The following HERC1 variants were observed in gnomAD, a reference collection of about 807,000 sequenced individuals.
The protein encoded by HERC1 is probable E3 ubiquitin-protein ligase HERC1.
HERC1 carries 160 observed loss-of-function variants against 554.3 expected under a neutral mutation model. The ratio of observed to expected loss-of-function variants is 0.29; its 90% CI spans 0.25 to 0.33. The LOEUF (loss-of-function observed/expected upper bound fraction) is 0.33. HERC1 is among the 10% of genes least tolerant of loss of function. HERC1 has a pLI of 1.00. For synonymous variants in HERC1, 2,175 were observed against 2,131.7 expected (o/e 1.02, Z -0.56); for missense variants, 4,919 against 5,918.5 (o/e 0.83, Z 5.54).
At chr15:63,747,601 T>G in intron 11 of HERC1, 123 bp downstream of exon 11, 1 of 522,780 alleles carries the variant, frequency 1.9e-6, no homozygotes, top group Non-Finnish European at 3.2e-6. Context: ...AAAAGTTTCA[T>G]ATAATTTGGG....
intron 12 of HERC1, among the ~76,000 whole-genome samples, chr15:63,739,880 C>G (rs1348818583): frequency 6.6e-6 from 1 of 151,902 alleles, no homozygotes; most frequent in African/African-American, 2.4e-5. Flanking sequence ...ACACAATAAG[C>G]CCTTTGTGTC....
chr15:63,782,139 G>A (rs903520136), intron 1 of HERC1, among the ~76,000 whole-genome samples: 1 of 152,146 alleles, frequency 6.6e-6, no homozygotes, highest in African/African-American at 2.4e-5. Context: ...ATCTACCTAA[G>A]GTAACTGATG....
chr15:63,658,221 C>T (rs1490879551), intron 48 of HERC1, among the ~76,000 whole-genome samples: 3 of 152,194 alleles, frequency 2.0e-5, no homozygotes, highest in African/African-American at 7.2e-5. Flanking sequence ...CTTAGCTACA[C>T]AGACGGTCAA....
In HERC1 at chr15:63,698,979, A is replaced by T. The variant is rs766561525; in HGVS notation, c.4654T>A (p.Leu1552Met). The change falls in exon 26 of 78, where the codon TTG becomes ATG. Residue 1552 changes from leucine (L) to methionine (M), a missense_variant. By Grantham distance (15) the Leu-to-Met change is conservative. Transcript: ENST00000443617. ...HRKRGPMHSQ[L>M]ESLSDSWARL... Reference sequence around the variant, plus strand: ...GCCCAAGAGTCACTCAGGGATTCCAATTGACTGTGCATAGGACCTATATAC... The same window carrying T: ...GCCCAAGAGTCACTCAGGGATTCCATTTGACTGTGCATAGGACCTATATAC... 5 of 1,613,082 alleles carry T rather than the reference A, an allele frequency of 3.1e-6. No individual in the cohort carries two copies. Among genetic ancestry groups the T allele is most frequent in the Non-Finnish European group, 4.2e-6 (5 of 1,179,090 alleles).
chr15:63,638,838 C>G, intron 61 of HERC1, 62 bp from the exon 62 acceptor site: 1 of 1,123,760 alleles, frequency 8.9e-7, no homozygotes, highest in African/African-American at 1.5e-5. Flanking sequence ...TGCTCTTAAC[C>G]ACAAAGTCCT....
Position 63,645,475 on chromosome 15 carries a change from C to T in HERC1, c.11078+8G>A. 5.6e-6 allele frequency: 9 copies of T among 1,597,790 alleles called. No individual in the cohort carries two copies. Among genetic ancestry groups the T allele is most frequent in the South Asian group, 1.1e-5 (1 of 88,624 alleles). On this transcript the variant is annotated splice_region_variant and intron_variant, in intron 56 of 77. Transcript: ENST00000443617. ...ACTAAGACGTATAGATGCAAATTGACAACATACGTAGCCATCAGTAACTGC... is the reference window on the plus strand; with the variant it reads ...ACTAAGACGTATAGATGCAAATTGATAACATACGTAGCCATCAGTAACTGC...
Position 63,659,763 on chromosome 15 carries a change from T to C in HERC1, c.9397A>G (p.Ser3133Gly). The C allele has an allele frequency of 6.2e-7, 1 of 1,613,876 alleles. No individual in the cohort carries two copies. The change falls in exon 47 of 78, where the codon AGT becomes GGT. Residue 3133 changes from serine (S) to glycine (G), a missense_variant. This residue lies in a region of HERC1 where 1,963 missense variants were observed against 2,228.6 expected (regional missense o/e 0.88). Coordinates refer to ENST00000443617, the MANE Select transcript of HERC1 (RefSeq NM_003922.4). ...ATTTGCATCAGAGTCTCTTCCATAC[T>C]GTTGGTGGCTGTGACCATTGCTACT... ...ASVAMVTATN[S>G]MEETLMQIGC...
chr15:63,833,753 GCA>G (rs778263359), intron 1 of HERC1, 72 bp downstream of exon 1: 749 of 46,420 alleles, frequency 0.016, 9 homozygotes, highest in East Asian at 0.037. Flanking sequence ...ACGCGCGCGC[GCA>G]CACACACACA....
chr15:63,632,609 G>A lies in HERC1; in HGVS notation c.12796+100C>T, dbSNP rs757523877. The A allele has an allele frequency of 2.2e-5, 17 of 783,776 alleles. No homozygotes were observed. In the East Asian group the frequency reaches 4.3e-4, roughly 20 times the overall value. The allele number at this position is 783,776 out of a possible 1,614,324, so 48.6% of individuals were successfully genotyped here. ...GGTCATAGTGACTACTCACCACCTAGAACAAAAAAAGGACTCAATTTAGAG... is the reference window on the plus strand; with the variant it reads ...GGTCATAGTGACTACTCACCACCTAAAACAAAAAAAGGACTCAATTTAGAG... On this transcript the variant is annotated intron_variant, in intron 68 of 77. Coordinates refer to ENST00000443617, the MANE Select transcript of HERC1 (RefSeq NM_003922.4).
rs374847616 is a variant in HERC1 at position 63,811,809 on chromosome 15, C to CAAAAAA, written c.-27+22012_-27+22017dup. On this transcript the variant is annotated intron_variant, in intron 1 of 77. Coordinates refer to ENST00000443617, the MANE Select transcript of HERC1 (RefSeq NM_003922.4). Reference sequence around the variant, plus strand: ...GGGCGACTCAGTGAGACTCCGTCTCCAAAAAAAAAAAAAAAAAAACAGAAA... The same window carrying CAAAAAA: ...GGGCGACTCAGTGAGACTCCGTCTCCAAAAAAAAAAAAAAAAAAAAAAAAACAGAAA... Among the ~76,000 whole-genome samples, 139 of 77,128 alleles carry CAAAAAA rather than the reference C, an allele frequency of 1.8e-3. 1 individual carries two copies. Among genetic ancestry groups the CAAAAAA allele is most frequent in the African/African-American group, 6.8e-3 (131 of 19,400 alleles). The allele number at this position is 77,128 out of a possible 152,430, so 50.6% of individuals were successfully genotyped here.
chr15:63,823,656 A>G (rs981856510), intron 1 of HERC1, among the ~76,000 whole-genome samples: 1 of 152,208 alleles, frequency 6.6e-6, no homozygotes, highest in African/African-American at 2.4e-5. Flanking sequence ...GCCATCCTAC[A>G]TTGGAGAAAA....
rs1257581062 is a variant in HERC1, at chr15:63,717,742, C to T, written c.3978+832G>A. Among the ~76,000 whole-genome samples the T allele has an allele frequency of 3.9e-5, 6 of 152,094 alleles. No homozygotes were observed. In the East Asian group the frequency reaches 9.6e-4, roughly 24 times the overall value. Reference sequence around the variant, plus strand: ...AAAAAATTAGCAGGGCGTGGTGGTGCATGCCTGTAATCCCAGCTACTCGGG... The same window carrying T: ...AAAAAATTAGCAGGGCGTGGTGGTGTATGCCTGTAATCCCAGCTACTCGGG... On this transcript the variant is annotated intron_variant, in intron 21 of 77. Coordinates refer to ENST00000443617, the MANE Select transcript of HERC1 (RefSeq NM_003922.4).
intron 71 of HERC1, among the ~76,000 whole-genome samples, chr15:63,625,641 C>T (rs2068269501): frequency 6.8e-6 from 1 of 147,132 alleles, no homozygotes; most frequent in Non-Finnish European, 1.5e-5. Flanking sequence ...TTGCAGTGAG[C>T]TGAGATTGCG....
rs1349299933 is a variant in HERC1, at chr15:63,737,525, A to G, written c.2521-2676T>C. On this transcript the variant is annotated intron_variant, in intron 12 of 77. Transcript: ENST00000443617. The stretch of plus-strand genomic sequence containing the variant: ...ATATATCTTTTTTCCAGATATATAT[A>G]TATATATATATATATATATATATCT... Among the ~76,000 whole-genome samples, 2 of 25,896 alleles carry G rather than the reference A, an allele frequency of 7.7e-5. 1 individual carries two copies. Among genetic ancestry groups the G allele is most frequent in the African/African-American group, 2.6e-4 (2 of 7,588 alleles). The allele number at this position is 25,896 out of a possible 152,430, so 17.0% of individuals were successfully genotyped here.
At chr15:63,751,250 T>C (rs1445807026) in intron 8 of HERC1, among the ~76,000 whole-genome samples, 1 of 152,222 alleles carries the variant, frequency 6.6e-6, no homozygotes, top group Non-Finnish European at 1.5e-5. Context: ...TATGTTTAGA[T>C]ACATACTTAC....
At chr15:63,776,051 A>AC (rs1485071062) in intron 1 of HERC1, among the ~76,000 whole-genome samples, 1 of 151,928 alleles carries the variant, frequency 6.6e-6, no homozygotes, top group Non-Finnish European at 1.5e-5. Context: ...AAAAAAAAAA[A>AC]AAGTTTATGT....
chr15:63,769,344 TG>T (rs1368939617), intron 2 of HERC1, among the ~76,000 whole-genome samples: 1 of 151,770 alleles, frequency 6.6e-6, no homozygotes, highest in Non-Finnish European at 1.5e-5. Context: ...TGCTTGAACC[TG>T]GGAGGCGGGA....
chr15:63,789,080 T>G (rs1362277035), intron 1 of HERC1, among the ~76,000 whole-genome samples: 17 of 10,064 alleles, frequency 1.7e-3, no homozygotes, highest in Non-Finnish European at 3.6e-3. Context: ...AATAAAAGGT[T>G]TTTTTTTTTT....
At chr15:63,695,469 T>C (rs1468034326) in intron 27 of HERC1, among the ~76,000 whole-genome samples, 1 of 142,282 alleles carries the variant, frequency 7.0e-6, no homozygotes, top group Non-Finnish European at 1.5e-5. Flanking sequence ...CACTGCAACC[T>C]CCACCTCCCG....
Sources: allele counts gnomAD v4.1 joint callset (sites outside exome capture counted in the v4.1 genomes callset), GRCh38; gene constraint gnomAD v4.1.1; regional missense constraint gnomAD v4.1.1; transcripts MANE v1.5; gene names NCBI Gene and HGNC (gene_info 2026-07-23, HGNC 2026-07-21).